VPS33B: variants seen among roughly 807,000 people sequenced by gnomAD.
VPS33B encodes VPS33B late endosome and lysosome associated, also known as vacuolar protein sorting-associated protein 33B.
In VPS33B, 80 loss-of-function variants were observed where a neutral mutation model predicts 95.3. That is an observed-to-expected ratio of 0.84 (90% CI 0.70 to 1.01). The LOEUF (loss-of-function observed/expected upper bound fraction) is 1.01, where lower values mean the gene tolerates loss of function less well. Among genes scored for constraint, VPS33B ranks in the 50% least tolerant of loss-of-function variants. The pLI, the probability that VPS33B is intolerant of heterozygous loss-of-function variation, is 0.00. For synonymous variants in VPS33B, 280 were observed against 280.4 expected, an observed-to-expected ratio of 1.00 and a Z score of 0.01; for missense variants, 715 against 773.4, an observed-to-expected ratio of 0.92 and a Z score of 0.90.
chr15:91,008,066 G>A (rs1163164845), intron 6 of VPS33B, 102 bp from the exon 7 acceptor site: 1 of 1,037,772 alleles, frequency 9.6e-7, no homozygotes, highest in Non-Finnish European at 1.5e-6. Flanking sequence ...ACAAATATAT[G>A]AGTGCCTGCC....
chr15:91,015,360 T>A lies in VPS33B; in HGVS notation c.240-927A>T, dbSNP rs1023965882. Among the ~76,000 whole-genome samples, 5 of 150,190 alleles carry A rather than the reference T, an allele frequency of 3.3e-5. No homozygotes were observed. The highest frequency in any genetic ancestry group is 1.2e-4 in the African/African-American group (5 of 40,974). On this transcript the variant is annotated intron_variant, in intron 3 of 22. Transcript: ENST00000333371. This position sits in a 1 kb window ranked among gnomAD's most constrained non-coding sequence, Gnocchi z 4.7. ...TCAAAAAAAATAAAATAAAATAAAA[T>A]AATAATAAATAATAATAGTAAAATA...
In VPS33B at chr15:91,018,124, G is replaced by T; in HGVS notation, c.97-239C>A. 1 of 519,202 alleles carries T rather than the reference G, an allele frequency of 1.9e-6. No homozygotes were observed. The highest frequency in any genetic ancestry group is 1.9e-5 in the South Asian group (1 of 51,376). 32.2% of individuals were successfully genotyped at this position (519,202 alleles called of 1,614,324 possible). ...AGAAGACATCCCACCTTCTTTCTCA[G>T]GTTAACTCCTTGTCACTCAACCCTT... is the stretch of plus-strand genomic sequence containing the variant. On this transcript the variant is annotated intron_variant, in intron 1 of 22. Coordinates refer to ENST00000333371, the MANE Select transcript of VPS33B (RefSeq NM_018668.5). The surrounding 1 kb of genome is among the most constrained non-coding windows in gnomAD (Gnocchi z 4.7).
intron 3 of VPS33B, 55 bp downstream of exon 3, chr15:91,016,908 G>T (rs989399639): frequency 6.5e-7 from 1 of 1,546,160 alleles, no homozygotes; most frequent in South Asian, 1.1e-5. Flanking sequence ...AGGCAGACGT[G>T]CCCCTAGGGA....
rs571613884 is a variant in VPS33B at position 91,009,411 on chromosome 15, A to G, written c.403+390T>C. 6.6e-6 allele frequency among the ~76,000 whole-genome samples: 1 copy of G among 151,698 alleles called. No homozygotes were observed. The highest frequency in any genetic ancestry group is 1.5e-5 in the Non-Finnish European group (1 of 67,940). On this transcript the variant is annotated intron_variant, in intron 6 of 22. Transcript: ENST00000333371. This position sits in a 1 kb window ranked among gnomAD's most constrained non-coding sequence, Gnocchi z 4.1. ...AACCTCTGCCTCCCGGGTTCAAGCA[A>G]TTCTTCTGCCTCAGCCTCCCGAGTA...
At position 91,009,662 on chromosome 15, in the gene VPS33B, C is replaced by T; in HGVS notation, c.403+139G>A. On this transcript the variant is annotated intron_variant, in intron 6 of 22. Transcript: ENST00000333371. The surrounding 1 kb of genome is among the most constrained non-coding windows in gnomAD (Gnocchi z 4.1). ...CCATTCCCATTCTCAGGAACCTCTC[C>T]TCCTGCTACACTAACAGGAATAAGA... 1 of 919,546 alleles carries T rather than the reference C, an allele frequency of 1.1e-6. No individual in the cohort carries two copies. Among genetic ancestry groups the T allele is most frequent in the Non-Finnish European group, 1.7e-6 (1 of 589,952 alleles). The allele number at this position is 919,546 out of a possible 1,614,324, so 57.0% of individuals were successfully genotyped here.
rs1753397876 is a variant in VPS33B, at chr15:91,022,405, A to C, written c.-156T>G. ...CCTCGCTCCTCAGCAGCACTCCAGG[A>C]ATGAATGGCCACCTCCAGGCAAGAG... On this transcript the variant is annotated 5_prime_UTR_variant, in exon 1 of 23. The change creates a new upstream start codon in the 5' untranslated region. Coordinates refer to ENST00000333371, the MANE Select transcript of VPS33B (RefSeq NM_018668.5). The C allele has an allele frequency of 3.1e-6, 2 of 654,142 alleles. No individual in the cohort carries two copies. The highest frequency in any genetic ancestry group is 3.7e-5 in the African/African-American group (2 of 54,734). 40.5% of individuals were successfully genotyped at this position (654,142 alleles called of 1,614,324 possible). A position where few individuals can be genotyped will look rare whatever the true frequency, so the allele number is the denominator to read the frequency against.
Position 91,015,170 on chromosome 15 carries a change from T to C in VPS33B, c.240-737A>G, listed in dbSNP as rs1008723124. 1.3e-5 allele frequency among the ~76,000 whole-genome samples: 2 copies of C among 151,702 alleles called. No homozygotes were observed. The highest frequency in any genetic ancestry group is 2.9e-5 in the Non-Finnish European group (2 of 67,942). ...AGCCAACATGGTGAAACCCCGTCTC[T>C]ACTAAAAATACAAAAATTGGCTGGG... On this transcript the variant is annotated intron_variant, in intron 3 of 22. Coordinates refer to ENST00000333371, the MANE Select transcript of VPS33B (RefSeq NM_018668.5). This position sits in a 1 kb window ranked among gnomAD's most constrained non-coding sequence, Gnocchi z 4.7.
chr15:91,003,198 G>C, intron 16 of VPS33B, 67 bp from the exon 17 acceptor site: 1 of 1,510,356 alleles, frequency 6.6e-7, no homozygotes, highest in South Asian at 1.1e-5. Context: ...AAAATGTACA[G>C]ATCAACCAGC....
At chr15:91,017,667 A>G in intron 2 of VPS33B, 138 bp downstream of exon 2, 3 of 815,568 alleles carry the variant, frequency 3.7e-6, no homozygotes, top group East Asian at 5.2e-5. Flanking sequence ...TACGAACAGC[A>G]TCAATCTCCC....
At position 91,003,078 on chromosome 15, in the gene VPS33B, G is replaced by T. The variant is rs1056293591; in HGVS notation, c.1272+7C>A. The T allele has an allele frequency of 1.9e-6, 3 of 1,613,932 alleles. No individual in the cohort carries two copies. The African/African-American group carries it at 4.0e-5, about 22-fold the overall frequency. The stretch of plus-strand genomic sequence containing the variant: ...GTTCCCTCAAGAATACATTCTCCAG[G>T]CCTTACCTGCAGATACTGTGTTTTC... On this transcript the variant is annotated splice_region_variant and intron_variant, in intron 17 of 22. Transcript: ENST00000333371.
chr15:91,004,601 G>A (rs2040544490), intron 16 of VPS33B, among the ~76,000 whole-genome samples: 1 of 152,142 alleles, frequency 6.6e-6, no homozygotes, highest in Non-Finnish European at 1.5e-5. Context: ...AGGACAGATG[G>A]AGTGATGAGA....
At chr15:91,003,480 C>G (rs1010650724) in intron 16 of VPS33B, among the ~76,000 whole-genome samples, 3 of 152,122 alleles carry the variant, frequency 2.0e-5, no homozygotes, top group Admixed American at 2.0e-4. Context: ...TGCTCTGTCA[C>G]TCAGGCTGGA....
In VPS33B at chr15:91,015,142, C is replaced by T. The variant is rs2040887090; in HGVS notation, c.240-709G>A. On this transcript the variant is annotated intron_variant, in intron 3 of 22. Coordinates refer to ENST00000333371, the MANE Select transcript of VPS33B (RefSeq NM_018668.5). The surrounding 1 kb of genome is among the most constrained non-coding windows in gnomAD (Gnocchi z 4.7). ...CCTGAGGTCAGGAGTTTGAGACCAGCCCAGCCAACATGGTGAAACCCCGTC... is the reference window on the plus strand; with the variant it reads ...CCTGAGGTCAGGAGTTTGAGACCAGTCCAGCCAACATGGTGAAACCCCGTC... Among the ~76,000 whole-genome samples the T allele has an allele frequency of 6.6e-6, 1 of 151,336 alleles. No homozygotes were observed. Among genetic ancestry groups the T allele is most frequent in the South Asian group, 2.1e-4 (1 of 4,784 alleles).
chr15:90,998,598 A>G, downstream of VPS33B: 1 of 352,958 alleles, frequency 2.8e-6, no homozygotes, highest in Non-Finnish European at 5.5e-6. This position sits in a 1 kb window ranked among gnomAD's most constrained non-coding sequence, Gnocchi z 4.8. Flanking sequence ...CAAGAAGCAC[A>G]GGAAGCCCCT....
rs1254639507 is a variant in VPS33B at position 90,998,681 on chromosome 15, G to C, written c.*294C>G. The C allele has an allele frequency of 6.4e-6, 3 of 469,756 alleles. No homozygotes were observed. The highest frequency in any genetic ancestry group is 1.2e-5 in the Non-Finnish European group (3 of 254,828). 29.1% of individuals were successfully genotyped at this position (469,756 alleles called of 1,614,324 possible). ...CCAGAACGACCAACGTATTACATCT[G>C]AGAGCAGAGGCTTTATTTACAATGA... On this transcript the variant is annotated 3_prime_UTR_variant, in exon 23 of 23. Transcript: ENST00000333371. The surrounding 1 kb of genome is among the most constrained non-coding windows in gnomAD (Gnocchi z 4.8).
chr15:91,004,838 C>G (rs2040552075), intron 16 of VPS33B, 39 bp downstream of exon 16: 1 of 1,612,382 alleles, frequency 6.2e-7, no homozygotes, highest in Non-Finnish European at 8.5e-7. Context: ...GGCATAGTTT[C>G]TCAATCTGAC....
chr15:91,016,890 C>T (rs2040943262), intron 3 of VPS33B, 73 bp downstream of exon 3: 4 of 1,422,388 alleles, frequency 2.8e-6, no homozygotes, highest in Middle Eastern at 1.9e-4. Flanking sequence ...CAGCCAAGGA[C>T]AGATGAAAGG....
rs368329686 is a variant in VPS33B, at chr15:91,017,041, A to G, written c.178-17T>C. 2.7e-5 allele frequency: 44 copies of G among 1,613,520 alleles called. No homozygotes were observed. Among genetic ancestry groups the G allele is most frequent in the Middle Eastern group, 1.7e-4 (1 of 6,060 alleles). ...TTCGTGTTGCTACAGAGAGAATCCA[A>G]TAAGACAATGGACATAAGAGTGCCT... On this transcript the variant is annotated splice_polypyrimidine_tract_variant and intron_variant, in intron 2 of 22. Coordinates refer to ENST00000333371, the MANE Select transcript of VPS33B (RefSeq NM_018668.5).
At position 91,007,081 on chromosome 15, in the gene VPS33B, C is replaced by T. The variant is rs2040631604; in HGVS notation, c.604-35G>A. On this transcript the variant is annotated intron_variant, in intron 8 of 22. Coordinates refer to ENST00000333371, the MANE Select transcript of VPS33B (RefSeq NM_018668.5). This position sits in a 1 kb window ranked among gnomAD's most constrained non-coding sequence, Gnocchi z 5.3. The stretch of plus-strand genomic sequence containing the variant: ...CCCAAGACATTCTCAGTCTTGTGTC[C>T]AGGTCCCTACTGCAGCCCCATACCT... 1.9e-6 allele frequency: 3 copies of T among 1,602,428 alleles called. No homozygotes were observed. The highest frequency in any genetic ancestry group is 2.7e-5 in the African/African-American group (2 of 74,998).
Sources: allele counts gnomAD v4.1 joint callset (sites outside exome capture counted in the v4.1 genomes callset), GRCh38; gene constraint gnomAD v4.1.1; non-coding constraint Gnocchi (gnomAD v3.1); transcripts MANE v1.5; gene names NCBI Gene and HGNC (gene_info 2026-07-23, HGNC 2026-07-21).